Variants in CSTPP1 observed in about 807,000 individuals in gnomAD.
CSTPP1 encodes UPF0705 protein C11orf49.
chr11:46,985,425 C>T, the CSTPP1 span, among the ~76,000 whole-genome samples: 2 of 152,148 alleles, frequency 1.3e-5, no homozygotes, highest in South Asian at 4.1e-4. Context: ...TAAATGTCTA[C>T]TTTGGCAGCA....
At chr11:47,052,811 T>G in the CSTPP1 span, 1 of 222,994 alleles carries the variant, frequency 4.5e-6, no homozygotes, top group Non-Finnish European at 8.9e-6. Flanking sequence ...TCATTTATCT[T>G]TACAAGGGCT....
the CSTPP1 span, among the ~76,000 whole-genome samples, chr11:47,112,105 A>G: frequency 6.6e-6 from 1 of 152,084 alleles, no homozygotes; most frequent in African/African-American, 2.4e-5. Flanking sequence ...CTCTTCCCTC[A>G]GATGTCTGTA....
At chr11:47,137,558 C>A in the CSTPP1 span, 2 of 1,602,914 alleles carry the variant, frequency 1.2e-6, no homozygotes, top group Non-Finnish European at 1.7e-6. Flanking sequence ...CTACCAAGAC[C>A]AGGTCTGAAA....
At chr11:47,003,958 TAC>T in the CSTPP1 span, among the ~76,000 whole-genome samples, 30 of 152,184 alleles carry the variant, frequency 2.0e-4, no homozygotes, top group Non-Finnish European at 4.0e-4. Context: ...CACATGAAAT[TAC>T]ACATGCAAGA....
chr11:47,025,807 T>G, the CSTPP1 span, among the ~76,000 whole-genome samples: 1 of 152,298 alleles, frequency 6.6e-6, no homozygotes, highest in African/African-American at 2.4e-5. Context: ...AAATTTACCT[T>G]AAAATGTTGT....
chr11:47,154,942 T>A, the CSTPP1 span: 1 of 583,190 alleles, frequency 1.7e-6, no homozygotes, highest in South Asian at 2.1e-5. Context: ...TACAGTGTGG[T>A]CAGTTCAGTT....
the CSTPP1 span, among the ~76,000 whole-genome samples, chr11:47,080,960 G>A: frequency 2.8e-5 from 4 of 144,818 alleles, no homozygotes; most frequent in African/African-American, 1.0e-4. Flanking sequence ...AGTGAGCCAA[G>A]ATCAGACCAC....
chr11:47,067,020 T>G, the CSTPP1 span, among the ~76,000 whole-genome samples: 1 of 152,242 alleles, frequency 6.6e-6, no homozygotes, highest in Non-Finnish European at 1.5e-5. Flanking sequence ...TTGTTTCACT[T>G]AAAGTCAGTT....
At chr11:47,131,697 C>T in the CSTPP1 span, among the ~76,000 whole-genome samples, 1 of 152,160 alleles carries the variant, frequency 6.6e-6, no homozygotes, top group African/African-American at 2.4e-5. Flanking sequence ...AGTGACATGG[C>T]CTGGCGCAGT....
chr11:47,141,766 C>G, the CSTPP1 span, among the ~76,000 whole-genome samples: 1 of 151,444 alleles, frequency 6.6e-6, no homozygotes. Context: ...AAACCTGTCT[C>G]TACTAAAAAT....
the CSTPP1 span, among the ~76,000 whole-genome samples, chr11:46,963,869 T>C: frequency 6.6e-6 from 1 of 151,726 alleles, no homozygotes; most frequent in Non-Finnish European, 1.5e-5. Flanking sequence ...GACCAATTAC[T>C]AGACCATAGC....
At chr11:47,149,278 C>T in the CSTPP1 span, among the ~76,000 whole-genome samples, 1 of 152,368 alleles carries the variant, frequency 6.6e-6, no homozygotes, top group East Asian at 1.9e-4. Context: ...CTCTCACTGG[C>T]AGCAGCTCCC....
the CSTPP1 span, among the ~76,000 whole-genome samples, chr11:47,087,651 A>G: frequency 6.6e-6 from 1 of 152,160 alleles, no homozygotes; most frequent in African/African-American, 2.4e-5. Context: ...GTGAGCCGAG[A>G]TCGCACCACT....
the CSTPP1 span, among the ~76,000 whole-genome samples, chr11:47,039,818 G>A: frequency 7.8e-6 from 1 of 128,482 alleles, no homozygotes; most frequent in Non-Finnish European, 1.9e-5. Flanking sequence ...CGTCCTGGGC[G>A]AAAGAGCGAG....
chr11:47,038,484 G>T, the CSTPP1 span, among the ~76,000 whole-genome samples: 1 of 110,188 alleles, frequency 9.1e-6, no homozygotes, highest in African/African-American at 2.7e-5. Flanking sequence ...CCCGGACGGG[G>T]CGGCCGGCCA....
the CSTPP1 span, among the ~76,000 whole-genome samples, chr11:47,038,302 G>C: frequency 9.6e-6 from 1 of 103,820 alleles, no homozygotes; most frequent in African/African-American, 2.8e-5. Context: ...CCTCCCTCCC[G>C]GACGGGGCGG....
At chr11:47,043,690 C>T in the CSTPP1 span, among the ~76,000 whole-genome samples, 3 of 152,066 alleles carry the variant, frequency 2.0e-5, no homozygotes, top group African/African-American at 4.8e-5. Flanking sequence ...AATAGTTGAA[C>T]ATTTAAAACT....
the CSTPP1 span, among the ~76,000 whole-genome samples, chr11:47,122,091 A>AAAAAAATAT: frequency 3.4e-3 from 109 of 31,796 alleles, 1 homozygote; most frequent in African/African-American, 4.5e-3. Flanking sequence ...AAAAAAAAAA[A>AAAAAAATAT]ATATATATAT....
the CSTPP1 span, among the ~76,000 whole-genome samples, chr11:47,163,325 GTCTAAC>G: frequency 2.6e-5 from 4 of 152,294 alleles, no homozygotes; most frequent in East Asian, 7.7e-4. Flanking sequence ...GCTCCAGAGA[GTCTAAC>G]TCTATCAACT....
Sources: gnomAD v4.1 joint callset for allele counts (sites outside exome capture counted in the v4.1 genomes callset) on GRCh38, gnomAD v4.1.1 for gene constraint, MANE v1.5 for transcripts, NCBI Gene and HGNC (gene_info 2026-07-23, HGNC 2026-07-21) for gene names.